POLR1A: variants seen among roughly 807,000 people sequenced by gnomAD.
POLR1A encodes the protein DNA-directed RNA polymerase I subunit RPA1.
POLR1A carries 84 observed loss-of-function variants against 205.3 expected under a neutral mutation model. The observed-to-expected ratio is 0.41, with a 90% confidence interval of 0.34 to 0.49. The LOEUF is 0.49. Ranked by LOEUF, POLR1A falls within the 20% of genes least tolerant of loss-of-function variation. The pLI is 0.22. For synonymous variants in POLR1A, 799 were observed against 863.7 expected, an observed-to-expected ratio of 0.93 and a Z score of 1.31; for missense variants, 1,645 against 2,204.5, an observed-to-expected ratio of 0.75 and a Z score of 5.08.
chr2:86,030,131 G>A, intron 31 of POLR1A, 65 bp downstream of exon 31: 1 of 1,356,548 alleles, frequency 7.4e-7, no homozygotes, highest in South Asian at 1.2e-5. Context: ...CCAGTGGCTG[G>A]GTCTTGAGAC....
At chr2:86,082,307 T>C (rs1282341161) in intron 7 of POLR1A, among the ~76,000 whole-genome samples, 1 of 152,140 alleles carries the variant, frequency 6.6e-6, no homozygotes, top group Non-Finnish European at 1.5e-5. Flanking sequence ...CCTCCTGGAC[T>C]ATTAAAACAC....
Position 86,038,367 on chromosome 2 carries a change from C to T in POLR1A, c.4034+333G>A, listed in dbSNP as rs551267260. ...TGCTGCTCCGACACCACAGAAGCAC[C>T]GCTTTGATGGTGCTCCCTTCTCTTT... On this transcript the variant is annotated intron_variant, in intron 27 of 33. Transcript: ENST00000263857. Among the ~76,000 whole-genome samples, 47 of 152,314 alleles carry T rather than the reference C, an allele frequency of 3.1e-4. 1 individual carries two copies. The highest frequency in any genetic ancestry group is 9.6e-4 in the African/African-American group (40 of 41,570).
chr2:86,045,721 G>A lies in POLR1A; in HGVS notation c.2782C>T (p.Leu928=), dbSNP rs1247170894. 1.2e-6 allele frequency: 2 copies of A among 1,610,292 alleles called. No individual in the cohort carries two copies. The highest frequency in any genetic ancestry group is 1.7e-5 in the Admixed American group (1 of 58,722). The change falls in exon 20 of 34, where the codon CTG becomes TTG. Residue 928 remains leucine (L), a synonymous_variant. Coordinates refer to ENST00000263857, the MANE Select transcript of POLR1A (RefSeq NM_015425.6). ...QIELEGRRPP[L]MASGKSLPCF... ...GGCAGTGACTTGCCAGACGCCATCA[G>A]CGGGGGTCTCCGACCTTCCAGTTCA...
intron 1 of POLR1A, 141 bp from the exon 2 acceptor site, chr2:86,100,313 G>C (rs1673788798): frequency 1.5e-6 from 1 of 663,214 alleles, no homozygotes; most frequent in Non-Finnish European, 2.7e-6. Context: ...TTTCTCACTA[G>C]TGTACCCCAA....
rs1431326431 is a variant in POLR1A, at chr2:86,028,466, C to T, written c.4897+128G>A. 7.0e-6 allele frequency: 5 copies of T among 718,636 alleles called. No homozygotes were observed. The East Asian group carries it at 1.2e-4, about 18-fold the overall frequency. 44.5% of individuals were successfully genotyped at this position (718,636 alleles called of 1,614,324 possible). On this transcript the variant is annotated intron_variant, in intron 32 of 33. Coordinates refer to ENST00000263857, the MANE Select transcript of POLR1A (RefSeq NM_015425.6). The surrounding 1 kb of genome is among the most constrained non-coding windows in gnomAD (Gnocchi z 4.5). ...TACAGGTGCACTCACTGCACGCATG[C>T]TGCAGTGCCTGCCTTAGTGCTGGAC...
chr2:86,069,264 A>T (rs1673134123), intron 13 of POLR1A, among the ~76,000 whole-genome samples: 2 of 152,224 alleles, frequency 1.3e-5, no homozygotes, highest in South Asian at 4.1e-4. Flanking sequence ...TTGTGGCGCA[A>T]ATGGCTTATA....
Position 86,028,828 on chromosome 2 carries a change from A to G in POLR1A, c.4780-117T>C. On this transcript the variant is annotated intron_variant, in intron 31 of 33. Transcript: ENST00000263857. The surrounding 1 kb of genome is among the most constrained non-coding windows in gnomAD (Gnocchi z 4.5). Reference sequence around the variant, plus strand: ...TGTGTCTGGCAGCTCGGTACAGCTGATGACAAAGTGGTCAAGAGGTGGCCC... The same window carrying G: ...TGTGTCTGGCAGCTCGGTACAGCTGGTGACAAAGTGGTCAAGAGGTGGCCC... 1.4e-6 allele frequency: 1 copy of G among 722,378 alleles called. No individual in the cohort carries two copies. Among genetic ancestry groups the G allele is most frequent in the Non-Finnish European group, 2.4e-6 (1 of 411,826 alleles). The allele number at this position is 722,378 out of a possible 1,614,324, so 44.7% of individuals were successfully genotyped here.
chr2:86,103,769 C>A (rs1324028047), intron 1 of POLR1A, among the ~76,000 whole-genome samples: 1 of 152,116 alleles, frequency 6.6e-6, no homozygotes, highest in Non-Finnish European at 1.5e-5. Flanking sequence ...TACATAAGCA[C>A]AAAAAGTCAC....
At chr2:86,038,031 G>T (rs1200108954) in intron 27 of POLR1A, among the ~76,000 whole-genome samples, 1 of 152,232 alleles carries the variant, frequency 6.6e-6, no homozygotes, top group Non-Finnish European at 1.5e-5. Context: ...AGTCAAAAAT[G>T]CTTCGTGGGC....
At chr2:86,092,714 A>G (rs1192147150) in intron 3 of POLR1A, among the ~76,000 whole-genome samples, 2 of 152,228 alleles carry the variant, frequency 1.3e-5, no homozygotes, top group Non-Finnish European at 2.9e-5. Context: ...AATCCCAGCT[A>G]CTTGGGAAGC....
At chr2:86,039,537 A>G in intron 25 of POLR1A, 75 bp from the exon 26 acceptor site, 5 of 1,551,998 alleles carry the variant, frequency 3.2e-6, no homozygotes, top group Non-Finnish European at 4.4e-6. Flanking sequence ...TCTCCTAATG[A>G]TGTCAGAGTT....
intron 14 of POLR1A, among the ~76,000 whole-genome samples, chr2:86,059,149 C>T (rs774269032): frequency 7.9e-5 from 12 of 152,222 alleles, no homozygotes; most frequent in Admixed American, 5.9e-4. Flanking sequence ...TTAAAAAGAA[C>T]GAGGCAGATC....
At chr2:86,099,035 T>C (rs753934515) in intron 2 of POLR1A, among the ~76,000 whole-genome samples, 9 of 152,138 alleles carry the variant, frequency 5.9e-5, no homozygotes, top group Non-Finnish European at 1.2e-4. Flanking sequence ...TATTCCAAGA[T>C]TTAATTAAGA....
chr2:86,104,009 G>T (rs971112992), intron 1 of POLR1A, among the ~76,000 whole-genome samples: 2 of 152,210 alleles, frequency 1.3e-5, no homozygotes, highest in Admixed American at 1.3e-4. Flanking sequence ...AAGAAGGGAT[G>T]ATGTTATAGC....
intron 7 of POLR1A, 38 bp downstream of exon 7, chr2:86,083,044 G>A (rs773640818): frequency 5.5e-6 from 8 of 1,448,892 alleles, no homozygotes; most frequent in Non-Finnish European, 6.8e-6. Context: ...TAAAAGCCTA[G>A]AGAAGATCAA....
In POLR1A at chr2:86,078,236, G is replaced by C; in HGVS notation, c.1135C>G (p.Pro379Ala). ...AGTTTGTCTATGAGGGACTGGCCTG[G>C]AAGTGTACTCAAAAAGGATCGGTCA... The part of the protein sequence containing the change: ...AIDRSFLSTL[P>A]GQSLIDKLYN... The change falls in exon 10 of 34, where the codon CCA (proline) becomes GCA (alanine). Residue 379 changes from proline to alanine, a missense_variant. Coordinates refer to ENST00000263857, the MANE Select transcript of POLR1A (RefSeq NM_015425.6). The C allele has an allele frequency of 6.2e-7, 1 of 1,604,776 alleles. No homozygotes were observed.
At chr2:86,096,329 T>A (rs936766838) in intron 3 of POLR1A, among the ~76,000 whole-genome samples, 2 of 152,048 alleles carry the variant, frequency 1.3e-5, no homozygotes, top group African/African-American at 4.8e-5. Flanking sequence ...ATAATTAATA[T>A]TGTTAAAATT....
At chr2:86,066,515 T>G (rs768016751) in intron 13 of POLR1A, among the ~76,000 whole-genome samples, 1 of 152,222 alleles carries the variant, frequency 6.6e-6, no homozygotes, top group African/African-American at 2.4e-5. Flanking sequence ...CTTTAAGATG[T>G]AGATTTTGTA....
At chr2:86,061,537 T>C (rs1483457715) in intron 14 of POLR1A, among the ~76,000 whole-genome samples, 2 of 152,206 alleles carry the variant, frequency 1.3e-5, no homozygotes, top group Non-Finnish European at 2.9e-5. Context: ...CCCACTGAAA[T>C]GTATATATGT....
Sources: allele counts gnomAD v4.1 joint callset (sites outside exome capture counted in the v4.1 genomes callset), GRCh38; gene constraint gnomAD v4.1.1; non-coding constraint Gnocchi (gnomAD v3.1); transcripts MANE v1.5; gene names NCBI Gene and HGNC (gene_info 2026-07-23, HGNC 2026-07-21).